Variants in IQGAP2 observed in about 807,000 individuals in gnomAD.
The protein encoded by IQGAP2 is ras GTPase-activating-like protein IQGAP2.
In IQGAP2, 173 loss-of-function variants were observed where a neutral mutation model predicts 201.3. That is an observed-to-expected ratio of 0.86 (90% CI 0.76 to 0.98). The LOEUF is 0.98. Ranked by LOEUF, IQGAP2 falls within the 50% of genes least tolerant of loss-of-function variation. The probability of loss-of-function intolerance (pLI) is 0.00; values close to 1 mark genes in which losing one functional copy is unlikely to be tolerated. For missense variants in IQGAP2, 1,687 were observed against 1,864.8 expected (o/e 0.90, Z 1.76); for synonymous variants, 675 against 673.9 (o/e 1.00, Z -0.03).
intron 2 of IQGAP2, among the ~76,000 whole-genome samples, chr5:76,494,108 TGTC>T (rs1467956595): frequency 2.0e-5 from 3 of 152,364 alleles, no homozygotes; most frequent in Admixed American, 6.5e-5. Context: ...TTTTTATTGT[TGTC>T]TTGTTAGTTT....
intron 2 of IQGAP2, among the ~76,000 whole-genome samples, chr5:76,487,704 G>A (rs1446136556): frequency 1.3e-5 from 2 of 152,086 alleles, no homozygotes; most frequent in Non-Finnish European, 1.5e-5. Flanking sequence ...AGAATGGGGG[G>A]CAGGGTCTTT....
chr5:76,589,519 T>G (rs1746495225), intron 6 of IQGAP2, 96 bp from the exon 7 acceptor site: 2 of 639,228 alleles, frequency 3.1e-6, no homozygotes, highest in South Asian at 2.5e-5. Flanking sequence ...CACTTCCTGA[T>G]GAAGACATTT....
intron 31 of IQGAP2, among the ~76,000 whole-genome samples, chr5:76,694,139 A>C (rs1285707791): frequency 6.6e-6 from 1 of 152,178 alleles, no homozygotes; most frequent in Admixed American, 6.5e-5. Flanking sequence ...TTTTAATTTA[A>C]AAAATATAAA....
intron 3 of IQGAP2, among the ~76,000 whole-genome samples, chr5:76,568,016 G>T (rs1162605179): frequency 6.6e-6 from 1 of 152,162 alleles, no homozygotes; most frequent in Middle Eastern, 3.2e-3. Context: ...GGAGCGGGAA[G>T]AAAAGACTTG....
At chr5:76,438,473 C>T (rs1042896842) in intron 1 of IQGAP2, among the ~76,000 whole-genome samples, 8 of 151,448 alleles carry the variant, frequency 5.3e-5, no homozygotes, top group African/African-American at 1.9e-4. Flanking sequence ...GATGGAGTGT[C>T]GCTGTGTTGT....
chr5:76,437,351 C>T (rs374445713), intron 1 of IQGAP2, among the ~76,000 whole-genome samples: 11 of 152,268 alleles, frequency 7.2e-5, no homozygotes, highest in African/African-American at 2.6e-4. Flanking sequence ...CCATGCCCAG[C>T]CTATCTTTTT....
chr5:76,679,098 G>A (rs1171806459), intron 28 of IQGAP2, among the ~76,000 whole-genome samples: 1 of 152,184 alleles, frequency 6.6e-6, no homozygotes, highest in African/African-American at 2.4e-5. Context: ...CCATTTGTCT[G>A]TTTTTGTGGT....
chr5:76,421,585 C>T (rs1040149737), intron 1 of IQGAP2, among the ~76,000 whole-genome samples: 16 of 152,084 alleles, frequency 1.1e-4, no homozygotes, highest in African/African-American at 3.9e-4. Context: ...TCACTGCACT[C>T]CAGCCTGGGT....
intron 2 of IQGAP2, among the ~76,000 whole-genome samples, chr5:76,496,472 C>T (rs967071566): frequency 1.3e-5 from 2 of 152,186 alleles, no homozygotes; most frequent in Non-Finnish European, 2.9e-5. Context: ...GACAGAGTCT[C>T]ATATGATGCA....
chr5:76,452,905 CTTTTTTTTT>C (rs71604293), intron 1 of IQGAP2, among the ~76,000 whole-genome samples: 1 of 106,060 alleles, frequency 9.4e-6, no homozygotes, highest in East Asian at 2.4e-4. Flanking sequence ...CAATTCCTAT[CTTTTTTTTT>C]TTTTTTTTTT....
chr5:76,565,054 A>T (rs944431311), intron 3 of IQGAP2, among the ~76,000 whole-genome samples: 1 of 152,254 alleles, frequency 6.6e-6, no homozygotes, highest in African/African-American at 2.4e-5. Flanking sequence ...TGTAATCATA[A>T]AATCTTATTT....
At chr5:76,457,898 A>G (rs1163349117) in intron 1 of IQGAP2, among the ~76,000 whole-genome samples, 2 of 152,244 alleles carry the variant, frequency 1.3e-5, no homozygotes, top group African/African-American at 4.8e-5. Flanking sequence ...GTGAGTTGCT[A>G]ATACATCAGA....
intron 2 of IQGAP2, among the ~76,000 whole-genome samples, chr5:76,486,109 C>T (rs1347336377): frequency 6.6e-6 from 1 of 152,140 alleles, no homozygotes; most frequent in Non-Finnish European, 1.5e-5. Context: ...ATGCAAAGAG[C>T]AATATGCTTG....
chr5:76,511,193 A>G (rs1328184859), intron 2 of IQGAP2, among the ~76,000 whole-genome samples: 1 of 152,224 alleles, frequency 6.6e-6, no homozygotes, highest in African/African-American at 2.4e-5. Context: ...GTTTTTCCAC[A>G]TAGCATGAAT....
intron 1 of IQGAP2, among the ~76,000 whole-genome samples, chr5:76,413,429 A>T (rs1305698051): frequency 6.6e-6 from 1 of 152,124 alleles, no homozygotes; most frequent in Non-Finnish European, 1.5e-5. Flanking sequence ...TCGGCCTCTG[A>T]AAGTGCTGGG....
At chr5:76,546,669 G>A (rs62361989) in intron 2 of IQGAP2, among the ~76,000 whole-genome samples, 21,407 of 152,106 alleles carry the variant, frequency 0.14, 1,697 homozygotes, top group Admixed American at 0.27. Flanking sequence ...CAGCCCTTCT[G>A]CTCTCTGTAG....
At chr5:76,462,079 G>A (rs1754489765) in intron 2 of IQGAP2, among the ~76,000 whole-genome samples, 1 of 152,226 alleles carries the variant, frequency 6.6e-6, no homozygotes, top group Non-Finnish European at 1.5e-5. Context: ...TGAGGCACTA[G>A]GAGGAAGGCA....
At chr5:76,564,856 G>A (rs1372065296) in intron 3 of IQGAP2, among the ~76,000 whole-genome samples, 1 of 152,228 alleles carries the variant, frequency 6.6e-6, no homozygotes, top group Admixed American at 6.5e-5. Flanking sequence ...GGAGGGAGGT[G>A]CAGCAGGAGG....
At chr5:76,465,847 G>A (rs932637286) in intron 2 of IQGAP2, among the ~76,000 whole-genome samples, 1 of 152,106 alleles carries the variant, frequency 6.6e-6, no homozygotes, top group African/African-American at 2.4e-5. Context: ...TACAAGAATT[G>A]AACACTGAAA....
Sources: allele counts gnomAD v4.1 joint callset (sites outside exome capture counted in the v4.1 genomes callset), GRCh38; gene constraint gnomAD v4.1.1; transcripts MANE v1.5; gene names NCBI Gene and HGNC (gene_info 2026-07-23, HGNC 2026-07-21).